Variants in DPP10 observed in about 807,000 individuals in gnomAD.
DPP10 encodes the protein dipeptidyl peptidase like 10.
A neutral mutation model predicts 120.9 loss-of-function variants in DPP10; 33 were observed. The ratio of observed to expected loss-of-function variants is 0.27; its 90% CI spans 0.21 to 0.37. The LOEUF (loss-of-function observed/expected upper bound fraction) is 0.37. Ranked by LOEUF, DPP10 falls within the 10% of genes least tolerant of loss-of-function variation. The pLI is 1.00. For synonymous variants in DPP10, 337 were observed against 326.1 expected (o/e 1.03, Z -0.36); for missense variants, 816 against 942.8 (o/e 0.87, Z 1.76).
chr2:115,347,085 A>G (rs112166442), intron 3 of DPP10, among the ~76,000 whole-genome samples: 9,506 of 152,290 alleles, frequency 0.062, 366 homozygotes, highest in Middle Eastern at 0.099. Flanking sequence ...AGAGAAAAGC[A>G]TAACAAATTT....
intron 1 of DPP10, among the ~76,000 whole-genome samples, chr2:114,957,757 AG>A (rs1469927338): frequency 6.6e-6 from 1 of 152,236 alleles, no homozygotes; most frequent in Non-Finnish European, 1.5e-5. Context: ...TTAAAAATGT[AG>A]TGTACATATA....
chr2:115,055,479 C>T (rs980680301), intron 1 of DPP10, among the ~76,000 whole-genome samples: 3 of 152,068 alleles, frequency 2.0e-5, no homozygotes, highest in African/African-American at 4.8e-5. Flanking sequence ...AAACGACAGG[C>T]GAAGAACCAC....
At chr2:115,467,357 CGAGACCAGCCTGGTCAA>C (rs1243518979) in intron 3 of DPP10, among the ~76,000 whole-genome samples, 2 of 151,848 alleles carry the variant, frequency 1.3e-5, no homozygotes, top group Non-Finnish European at 2.9e-5. Flanking sequence ...GTCAGGAGTT[CGAGACCAGCCTGGTCAA>C]GAGACCAGCC....
Position 114,603,728 on chromosome 2 carries a change from G to A in DPP10, c.60+160890G>A, listed in dbSNP as rs115063965. ...CTCCTCTTTTCCTGGCAAAGTCCCA[G>A]TAAATACTTATGATAGCTTTGTGTA... On this transcript the variant is annotated intron_variant, in intron 1 of 25. Coordinates refer to ENST00000410059, the MANE Select transcript of DPP10 (RefSeq NM_020868.6). Among the ~76,000 whole-genome samples the A allele has an allele frequency of 5.1e-3, 770 of 152,104 alleles. 8 individuals carry two copies. Among genetic ancestry groups the A allele is most frequent in the African/African-American group, 0.017 (716 of 41,522 alleles).
chr2:114,541,704 A>G (rs1048633453), intron 1 of DPP10, among the ~76,000 whole-genome samples: 1 of 152,226 alleles, frequency 6.6e-6, no homozygotes, highest in Admixed American at 6.5e-5. Context: ...GCACATTGAC[A>G]GAAAGTTTAA....
chr2:114,850,584 A>T (rs922749659), intron 1 of DPP10, among the ~76,000 whole-genome samples: 2 of 152,034 alleles, frequency 1.3e-5, no homozygotes, highest in Non-Finnish European at 1.5e-5. Flanking sequence ...GCTGAGAGTC[A>T]CAATTCAGAT....
chr2:115,580,286 A>G (rs2081938386), intron 5 of DPP10: 1 of 152,232 alleles, frequency 6.6e-6, no homozygotes, highest in African/African-American at 2.4e-5. Flanking sequence ...AGTGTAATAT[A>G]TCCACTTGTC....
At chr2:115,043,269 G>A (rs1031353504) in intron 1 of DPP10, among the ~76,000 whole-genome samples, 2 of 152,130 alleles carry the variant, frequency 1.3e-5, no homozygotes, top group African/African-American at 4.8e-5. Flanking sequence ...TATTAGAAAT[G>A]ATGCATCATC....
At chr2:114,927,162 T>G (rs1417878345) in intron 1 of DPP10, among the ~76,000 whole-genome samples, 1 of 152,052 alleles carries the variant, frequency 6.6e-6, no homozygotes, top group Non-Finnish European at 1.5e-5. Context: ...GGAAGATACA[T>G]TTTTAAGCAG....
intron 3 of DPP10, among the ~76,000 whole-genome samples, chr2:115,488,562 G>A (rs1178586053): frequency 1.4e-4 from 2 of 14,588 alleles, no homozygotes; most frequent in African/African-American, 2.1e-4. Flanking sequence ...AAAAAATGAT[G>A]AGTTCATATC....
intron 5 of DPP10, among the ~76,000 whole-genome samples, chr2:115,666,885 C>T (rs945331417): frequency 3.3e-5 from 5 of 152,124 alleles, no homozygotes; most frequent in Non-Finnish European, 7.4e-5. Context: ...AGTGTATAAG[C>T]GTTCACTTTT....
At chr2:115,712,540 T>TCATATATATATATATATATATATATA (rs2092353572) in intron 7 of DPP10, among the ~76,000 whole-genome samples, 1 of 18,060 alleles carries the variant, frequency 5.5e-5, no homozygotes, top group Non-Finnish European at 3.0e-4. Context: ...GAGTCCTGAA[T>TCATATATATATATATATATATATATA]TAAATATATA....
chr2:115,677,861 A>G (rs2090384952), intron 5 of DPP10, among the ~76,000 whole-genome samples: 1 of 152,208 alleles, frequency 6.6e-6, no homozygotes, highest in African/African-American at 2.4e-5. Context: ...GAAACATATC[A>G]TCTAGACAGA....
At chr2:115,749,750 A>C (rs1678465162) in intron 10 of DPP10, among the ~76,000 whole-genome samples, 1 of 152,210 alleles carries the variant, frequency 6.6e-6, no homozygotes, top group African/African-American at 2.4e-5. Flanking sequence ...ATCTAGAAGA[A>C]AATGAGCTCA....
chr2:115,753,755 T>G (rs550734107), intron 11 of DPP10, among the ~76,000 whole-genome samples: 1 of 152,284 alleles, frequency 6.6e-6, no homozygotes, highest in South Asian at 2.1e-4. Context: ...AAAAATTGGT[T>G]CATGAACTAC....
At chr2:115,501,770 A>T (rs2076694650) in intron 4 of DPP10, among the ~76,000 whole-genome samples, 1 of 152,054 alleles carries the variant, frequency 6.6e-6, no homozygotes, top group Non-Finnish European at 1.5e-5. Flanking sequence ...TTGTTTAATC[A>T]TTCTCTCCTA....
chr2:115,535,671 G>A (rs2078780007), intron 5 of DPP10, among the ~76,000 whole-genome samples: 1 of 150,600 alleles, frequency 6.6e-6, no homozygotes, highest in Admixed American at 6.6e-5. Context: ...TAGCTTGATG[G>A]GGATGGCATT....
At chr2:115,402,913 G>A (rs1321628022) in intron 3 of DPP10, among the ~76,000 whole-genome samples, 2 of 135,304 alleles carry the variant, frequency 1.5e-5, no homozygotes, top group East Asian at 2.1e-4. Flanking sequence ...GTATATATAT[G>A]TGTGTATATA....
At chr2:115,759,840 G>A (rs980534998) in intron 11 of DPP10, among the ~76,000 whole-genome samples, 3 of 151,862 alleles carry the variant, frequency 2.0e-5, no homozygotes, top group Non-Finnish European at 2.9e-5. Context: ...GAGAAACCCC[G>A]TCCCTACTAA....
Sources: allele counts gnomAD v4.1 joint callset (sites outside exome capture counted in the v4.1 genomes callset), GRCh38; gene constraint gnomAD v4.1.1; transcripts MANE v1.5; gene names NCBI Gene and HGNC (gene_info 2026-07-23, HGNC 2026-07-21).